C1QTNF3: variants seen among roughly 807,000 people sequenced by gnomAD.
C1QTNF3 encodes C1q and TNF related 3.
A neutral mutation model predicts 32.6 loss-of-function variants in C1QTNF3; 26 were observed. That is an observed-to-expected ratio of 0.80 (90% CI 0.58 to 1.11). The LOEUF (loss-of-function observed/expected upper bound fraction) is 1.11, where lower values mean the gene tolerates loss of function less well. Among genes scored for constraint, C1QTNF3 ranks in the 50% least tolerant of loss-of-function variants. The pLI is 0.00. For missense variants in C1QTNF3, 362 were observed against 398.2 expected (o/e 0.91, Z 0.77); for synonymous variants, 155 against 146.0 (o/e 1.06, Z -0.44).
the C1QTNF3 span, among the ~76,000 whole-genome samples, chr5:34,226,198 C>T: frequency 2.0e-5 from 3 of 151,826 alleles, no homozygotes; most frequent in Non-Finnish European, 4.4e-5. Flanking sequence ...TACCGACTAA[C>T]CAAAAGCATT....
the C1QTNF3 span, among the ~76,000 whole-genome samples, chr5:34,155,813 C>CTAT: frequency 9.5e-6 from 1 of 104,938 alleles, no homozygotes; most frequent in Non-Finnish European, 2.5e-5. Flanking sequence ...ATATATTAAA[C>CTAT]CATTATTAAC....
At chr5:34,046,856 T>C (rs542188880), upstream of C1QTNF3, among the ~76,000 whole-genome samples, 4 of 152,266 alleles carry the variant, frequency 2.6e-5, no homozygotes, top group South Asian at 8.3e-4. Context: ...ATTACTTAAG[T>C]TCATGGGCAG....
At chr5:34,232,607 G>GCT in the C1QTNF3 span, among the ~76,000 whole-genome samples, 11 of 151,508 alleles carry the variant, frequency 7.3e-5, no homozygotes, top group Non-Finnish European at 1.5e-4. Context: ...CCCTCCTTGT[G>GCT]CTCTCTCTCT....
At chr5:34,067,146 A>G in the C1QTNF3 span, among the ~76,000 whole-genome samples, 1 of 152,172 alleles carries the variant, frequency 6.6e-6, no homozygotes, top group African/African-American at 2.4e-5. Flanking sequence ...CTCAGCCTGG[A>G]TTCATTGTCC....
the C1QTNF3 span, among the ~76,000 whole-genome samples, chr5:34,130,621 T>C: frequency 6.6e-6 from 1 of 152,138 alleles, no homozygotes; most frequent in African/African-American, 2.4e-5. Flanking sequence ...TCAAAGGGTT[T>C]TGAGACTGCT....
the C1QTNF3 span, among the ~76,000 whole-genome samples, chr5:34,115,648 G>A: frequency 5.3e-5 from 8 of 151,538 alleles, no homozygotes; most frequent in African/African-American, 1.9e-4. Context: ...GGAGAATGGC[G>A]TGAACCCGGG....
chr5:34,148,098 C>T, the C1QTNF3 span, among the ~76,000 whole-genome samples: 9 of 150,892 alleles, frequency 6.0e-5, no homozygotes, highest in African/African-American at 1.2e-4. Flanking sequence ...GGGTGACGGA[C>T]GCACCTGGAA....
At chr5:34,141,158 C>T in the C1QTNF3 span, among the ~76,000 whole-genome samples, 2 of 151,878 alleles carry the variant, frequency 1.3e-5, no homozygotes, top group African/African-American at 2.4e-5. Context: ...CCCACTCTGT[C>T]GCCCAGGCTG....
At chr5:34,044,885 TG>T (rs1222586315), upstream of C1QTNF3, among the ~76,000 whole-genome samples, 4 of 152,182 alleles carry the variant, frequency 2.6e-5, no homozygotes, top group African/African-American at 9.6e-5. Flanking sequence ...TAGATGTCCC[TG>T]GGAAGGGAAG....
the C1QTNF3 span, among the ~76,000 whole-genome samples, chr5:34,210,595 C>CA: frequency 6.1e-4 from 91 of 149,938 alleles, no homozygotes; most frequent in African/African-American, 2.0e-3. Context: ...AAATCAATGC[C>CA]AAAAAAAAGG....
the C1QTNF3 span, among the ~76,000 whole-genome samples, chr5:34,147,435 G>C: frequency 6.6e-6 from 1 of 152,122 alleles, no homozygotes; most frequent in Non-Finnish European, 1.5e-5. Flanking sequence ...GTGGTGGATC[G>C]GGTAAAGAAA....
chr5:34,123,539 A>G, the C1QTNF3 span, among the ~76,000 whole-genome samples: 1 of 150,948 alleles, frequency 6.6e-6, no homozygotes, highest in Admixed American at 6.6e-5. Context: ...TTTCTTAACT[A>G]CTCTACACCC....
chr5:34,087,566 T>C, the C1QTNF3 span, among the ~76,000 whole-genome samples: 1 of 144,430 alleles, frequency 6.9e-6, no homozygotes, highest in Non-Finnish European at 1.5e-5. Context: ...AAGAACGCTT[T>C]TGTCTTTTTT....
At chr5:34,081,139 G>T in the C1QTNF3 span, among the ~76,000 whole-genome samples, 6 of 151,626 alleles carry the variant, frequency 4.0e-5, no homozygotes, top group African/African-American at 1.2e-4. Context: ...TCTGTGATTG[G>T]TTATAAAGAT....
Position 34,020,389 on chromosome 5 carries a change from A to C in C1QTNF3, c.*194T>G. The C allele has an allele frequency of 1.6e-6, 1 of 619,104 alleles. No homozygotes were observed. The highest frequency in any genetic ancestry group is 2.1e-5 in the South Asian group (1 of 46,848). The allele number at this position is 619,104 out of a possible 1,614,324, so 38.4% of individuals were successfully genotyped here. On this transcript the variant is annotated 3_prime_UTR_variant, in exon 6 of 6. Coordinates refer to ENST00000382065, the MANE Select transcript of C1QTNF3 (RefSeq NM_181435.6). The stretch of plus-strand genomic sequence containing the variant: ...ATATTAGTCAAGGTCATCTGAGAAG[A>C]CTATTTTGTGGTTGATTCTTCTGAG...
At chr5:34,051,551 GGTTA>G in the C1QTNF3 span, among the ~76,000 whole-genome samples, 5 of 152,290 alleles carry the variant, frequency 3.3e-5, no homozygotes, top group East Asian at 5.8e-4. Flanking sequence ...GTGCTGTACT[GGTTA>G]GTTAAACACT....
At chr5:34,214,570 A>G in the C1QTNF3 span, among the ~76,000 whole-genome samples, 5 of 152,052 alleles carry the variant, frequency 3.3e-5, no homozygotes, top group African/African-American at 4.8e-5. Context: ...CACATTCTAC[A>G]ATAATATGGA....
the C1QTNF3 span, among the ~76,000 whole-genome samples, chr5:34,103,777 G>A: frequency 5.4e-5 from 8 of 146,988 alleles, no homozygotes; most frequent in Non-Finnish European, 1.2e-4. Flanking sequence ...AGCTGAGATC[G>A]CACCACTGCA....
the C1QTNF3 span, among the ~76,000 whole-genome samples, chr5:34,080,752 C>A: frequency 2.0e-5 from 3 of 151,700 alleles, no homozygotes; most frequent in South Asian, 4.1e-4. Flanking sequence ...TTCTTGTCCT[C>A]TTTTGTTAAC....
Sources: gnomAD v4.1 joint callset for allele counts (sites outside exome capture counted in the v4.1 genomes callset) on GRCh38, gnomAD v4.1.1 for gene constraint, MANE v1.5 for transcripts, NCBI Gene and HGNC (gene_info 2026-07-23, HGNC 2026-07-21) for gene names.